REEP1: variants seen among roughly 807,000 people sequenced by gnomAD.
The protein encoded by REEP1 is receptor expression-enhancing protein 1.
Under a neutral mutation model 40.3 loss-of-function variants are expected in REEP1, and 22 were observed. The ratio of observed to expected loss-of-function variants is 0.55; its 90% CI spans 0.39 to 0.78. The LOEUF is 0.78. Ranked by LOEUF, REEP1 falls within the 30% of genes least tolerant of loss-of-function variation. REEP1 has a pLI of 0.00. For synonymous variants in REEP1, 116 were observed against 139.2 expected (o/e 0.83, Z 1.17); for missense variants, 280 against 361.1 (o/e 0.78, Z 1.82).
chr2:86,225,922 G>T (rs866277357), intron 7 of REEP1, among the ~76,000 whole-genome samples: 2 of 152,198 alleles, frequency 1.3e-5, no homozygotes, highest in Non-Finnish European at 2.9e-5. Flanking sequence ...TCTACTTAAG[G>T]TTAGGCAACT....
chr2:86,246,115 G>T (rs547758418), intron 5 of REEP1, among the ~76,000 whole-genome samples: 3 of 152,242 alleles, frequency 2.0e-5, no homozygotes, highest in African/African-American at 7.2e-5. Context: ...TGTGGCAAGT[G>T]GATACCATAT....
Position 86,254,550 on chromosome 2 carries a change from T to TAA in REEP1, c.303+142_303+143dup, listed in dbSNP as rs542423266. 1.3e-5 allele frequency: 10 copies of TAA among 799,974 alleles called. No individual in the cohort carries two copies. The East Asian group carries it at 2.6e-4, about 21-fold the overall frequency. 49.6% of individuals were successfully genotyped at this position (799,974 alleles called of 1,614,324 possible). A position where few individuals can be genotyped will look rare whatever the true frequency, so the allele number is the denominator to read the frequency against. On this transcript the variant is annotated intron_variant, in intron 4 of 8. Transcript: ENST00000538924. The stretch of plus-strand genomic sequence containing the variant: ...TCTAAACACGTCTCAGAAATACACT[T>TAA]AAAAAAAACGATTAGGAGGAATGAC...
chr2:86,335,755 A>T (rs565732625), intron 1 of REEP1, among the ~76,000 whole-genome samples: 40 of 151,398 alleles, frequency 2.6e-4, no homozygotes, highest in African/African-American at 9.5e-4. Context: ...AGGCTGAGGC[A>T]GGAGAATCGC....
chr2:86,309,069 G>C (rs777836596), intron 1 of REEP1, among the ~76,000 whole-genome samples: 1 of 152,164 alleles, frequency 6.6e-6, no homozygotes, highest in Non-Finnish European at 1.5e-5. Context: ...GGCCTGACAT[G>C]AGTTATCTGA....
rs553815011 is a variant in REEP1, at chr2:86,293,238, A to G, written c.33-10996T>C. 3.3e-5 allele frequency among the ~76,000 whole-genome samples: 5 copies of G among 152,354 alleles called. No individual in the cohort carries two copies. The South Asian group carries it at 1.0e-3, about 32-fold the overall frequency. On this transcript the variant is annotated intron_variant, in intron 1 of 8. Transcript: ENST00000538924. ...ATCTGGCTTCAAACTCTGCTCTTCT[A>G]ATCCAACTTGATACCTCAAAGTCAG...
At chr2:86,337,682 C>T, upstream of REEP1, 4 of 999,838 alleles carry the variant, frequency 4.0e-6, no homozygotes, top group Non-Finnish European at 4.8e-6. This position sits in a 1 kb window ranked among gnomAD's most constrained non-coding sequence, Gnocchi z 5.8. Context: ...GCGGCACGTT[C>T]TGGCGGCGGC....
chr2:86,281,800 T>C (rs1474377120), intron 2 of REEP1, among the ~76,000 whole-genome samples: 2 of 152,206 alleles, frequency 1.3e-5, no homozygotes, highest in Non-Finnish European at 2.9e-5. Context: ...CCTGTGCTCC[T>C]GCCTGCGATG....
chr2:86,220,078 C>G lies in REEP1; in HGVS notation c.675G>C (p.Glu225Asp). 1 of 1,232,178 alleles carries G rather than the reference C, an allele frequency of 8.1e-7. No homozygotes were observed. Among genetic ancestry groups the G allele is most frequent in the Non-Finnish European group, 1.0e-6 (1 of 987,988 alleles). 76.3% of individuals were successfully genotyped at this position (1,232,178 alleles called of 1,614,324 possible). Residue 225 changes from glutamate to aspartate, a missense_variant, in exon 8 of 9, where the codon GAG becomes GAC. By Grantham distance (45) the Glu-to-Asp change is conservative. Around this residue, in one of 3 missense-constraint regions of REEP1, gnomAD observed 201 missense variants for 238.5 expected, o/e 0.84. Coordinates refer to ENST00000538924, the MANE Select transcript of REEP1 (RefSeq NM_001371279.1). ...DVNEGGMKAW[E>D]PHQVQNPLAF... Reference sequence around the variant, plus strand: ...CCAATGGGTTTTGGACCTGGTGGGGCTCCCATGCCTTCATACCACCCTCAT... The same window carrying G: ...CCAATGGGTTTTGGACCTGGTGGGGGTCCCATGCCTTCATACCACCCTCAT...
chr2:86,246,755 G>A (rs1300384065), intron 5 of REEP1, among the ~76,000 whole-genome samples: 1 of 146,926 alleles, frequency 6.8e-6, no homozygotes, highest in African/African-American at 2.5e-5. Context: ...AGGCTGAAGT[G>A]CAATGGTGTG....
intron 1 of REEP1, among the ~76,000 whole-genome samples, chr2:86,293,120 C>T (rs1167045684): frequency 6.6e-6 from 1 of 152,236 alleles, no homozygotes; most frequent in Non-Finnish European, 1.5e-5. Context: ...GTTCATCCAA[C>T]AGACATTTAT....
chr2:86,273,582 G>A (rs535161225), intron 2 of REEP1, among the ~76,000 whole-genome samples: 23 of 151,808 alleles, frequency 1.5e-4, no homozygotes, highest in African/African-American at 5.6e-4. Context: ...CACCACACCC[G>A]CAAACTGGCC....
chr2:86,283,118 C>T (rs1431572627), intron 1 of REEP1, among the ~76,000 whole-genome samples: 1 of 152,204 alleles, frequency 6.6e-6, no homozygotes, highest in Non-Finnish European at 1.5e-5. Flanking sequence ...ACTCATAGCA[C>T]AGTGTACCTA....
At chr2:86,329,997 A>G (rs1680690211) in intron 1 of REEP1, among the ~76,000 whole-genome samples, 1 of 152,120 alleles carries the variant, frequency 6.6e-6, no homozygotes, top group Non-Finnish European at 1.5e-5. Flanking sequence ...ATGTATGGAG[A>G]GTGTAGTGAA....
At chr2:86,276,349 T>C (rs568888247) in intron 2 of REEP1, among the ~76,000 whole-genome samples, 161 of 152,324 alleles carry the variant, frequency 1.1e-3, no homozygotes, top group African/African-American at 3.7e-3. Context: ...TTTTTCTGCA[T>C]GTGGACTTGC....
At chr2:86,295,696 C>A (rs1031903005) in intron 1 of REEP1, among the ~76,000 whole-genome samples, 2 of 152,102 alleles carry the variant, frequency 1.3e-5, no homozygotes, top group African/African-American at 4.8e-5. Context: ...CCCACCACCA[C>A]GCCCAGCTAA....
At chr2:86,242,688 A>G (rs534409301) in intron 5 of REEP1, among the ~76,000 whole-genome samples, 1 of 152,324 alleles carries the variant, frequency 6.6e-6, no homozygotes, top group African/African-American at 2.4e-5. Flanking sequence ...CAGTTATCAC[A>G]AGAGCCAGAG....
intron 1 of REEP1, among the ~76,000 whole-genome samples, chr2:86,322,752 C>T (rs961082418): frequency 1.3e-5 from 2 of 151,988 alleles, no homozygotes; most frequent in Non-Finnish European, 2.9e-5. Context: ...CTGCACCTGG[C>T]CCCCAATTTT....
chr2:86,252,323 G>C (rs1676331128), intron 4 of REEP1, among the ~76,000 whole-genome samples: 1 of 152,126 alleles, frequency 6.6e-6, no homozygotes. Flanking sequence ...AAAGCCCTCT[G>C]ACCTTCCAGG....
rs1553456158 is a variant in REEP1, at chr2:86,217,684, T to TTTTTTC, written c.784-575_784-574insGAAAAA. Among the ~76,000 whole-genome samples the TTTTTTC allele has an allele frequency of 2.8e-4, 36 of 127,862 alleles. No individual in the cohort carries two copies. The East Asian group carries it at 9.2e-3, about 33-fold the overall frequency. 83.9% of individuals were successfully genotyped at this position (127,862 alleles called of 152,430 possible). A position where few individuals can be genotyped will look rare whatever the true frequency, so the allele number is the denominator to read the frequency against. On this transcript the variant is annotated intron_variant, in intron 8 of 8. Coordinates refer to ENST00000538924, the MANE Select transcript of REEP1 (RefSeq NM_001371279.1). ...ATTTCAGATTTTTTTTTTTTTTTTT[T>TTTTTTC]CAGATTTTGGGATGTTTGCATATAC...
Sources: allele counts gnomAD v4.1 joint callset (sites outside exome capture counted in the v4.1 genomes callset), GRCh38; gene constraint gnomAD v4.1.1; regional missense constraint gnomAD v4.1.1; non-coding constraint Gnocchi (gnomAD v3.1); transcripts MANE v1.5; gene names NCBI Gene and HGNC (gene_info 2026-07-23, HGNC 2026-07-21).